Variants in SF3B3 observed in about 807,000 individuals in gnomAD.
SF3B3 encodes the protein splicing factor 3b subunit 3.
A neutral mutation model predicts 139.2 loss-of-function variants in SF3B3; 33 were observed. That is an observed-to-expected ratio of 0.24 (90% CI 0.18 to 0.32). SF3B3 has a LOEUF of 0.32. SF3B3 is among the 10% of genes least tolerant of loss of function. SF3B3 has a pLI of 1.00. For missense variants in SF3B3, 818 were observed against 1,509.4 expected (o/e 0.54, Z 7.59); for synonymous variants, 596 against 563.6 (o/e 1.06, Z -0.81).
chr16:70,563,083 T>C (rs1397388975), intron 17 of SF3B3, among the ~76,000 whole-genome samples: 1 of 152,202 alleles, frequency 6.6e-6, no homozygotes, highest in Admixed American at 6.5e-5. Context: ...TTCTCCCACC[T>C]CAGCCTCCCA....
chr16:70,572,538 G>A lies in SF3B3; in HGVS notation c.*725G>A, dbSNP rs2050539087. ...GTATACCCACCCCTCTTCCCACTGG[G>A]TATTGAGGAAGGGTGGCTGATTCTT... On this transcript the variant is annotated 3_prime_UTR_variant, in exon 26 of 26. Coordinates refer to ENST00000302516, the MANE Select transcript of SF3B3 (RefSeq NM_012426.5). 6.5e-6 allele frequency: 1 copy of A among 154,032 alleles called. No individual in the cohort carries two copies. Among genetic ancestry groups the A allele is most frequent in the African/African-American group, 2.4e-5 (1 of 41,438 alleles). 9.5% of individuals were successfully genotyped at this position (154,032 alleles called of 1,614,324 possible).
chr16:70,539,905 T>C (rs1362880569), intron 8 of SF3B3, among the ~76,000 whole-genome samples: 1 of 151,294 alleles, frequency 6.6e-6, no homozygotes, highest in Non-Finnish European at 1.5e-5. Flanking sequence ...GACTCCTGAG[T>C]TGCTGGGATT....
chr16:70,566,399 T>C (rs913575014), intron 20 of SF3B3, among the ~76,000 whole-genome samples: 14 of 151,770 alleles, frequency 9.2e-5, no homozygotes, highest in Admixed American at 6.6e-4. Flanking sequence ...CCCATCTCTA[T>C]TAAAAATAAA....
intron 20 of SF3B3, among the ~76,000 whole-genome samples, chr16:70,566,968 T>A (rs2050482862): frequency 6.6e-6 from 1 of 151,830 alleles, no homozygotes; most frequent in Admixed American, 6.6e-5. Context: ...GAGGATCACC[T>A]GAGCCCAGGA....
chr16:70,530,971 T>A (rs2050115316), intron 4 of SF3B3, 54 bp downstream of exon 4: 3 of 1,521,854 alleles, frequency 2.0e-6, no homozygotes, highest in Admixed American at 4.1e-5. Flanking sequence ...GTGTTTTTTT[T>A]TAAGATTGTT....
At chr16:70,555,569 G>A (rs1236788075) in intron 13 of SF3B3, among the ~76,000 whole-genome samples, 1 of 151,160 alleles carries the variant, frequency 6.6e-6, no homozygotes. Context: ...GGGGTAATTT[G>A]ATGTCTAATT....
intron 8 of SF3B3, among the ~76,000 whole-genome samples, chr16:70,540,362 G>A (rs547139086): frequency 5.5e-5 from 8 of 144,538 alleles, no homozygotes; most frequent in Non-Finnish European, 9.1e-5. Context: ...GTGCCCAGCC[G>A]AGCCTTCTTA....
In SF3B3 at chr16:70,543,219, C is replaced by G. The variant is rs112666942; in HGVS notation, c.1234-1219C>G. On this transcript the variant is annotated intron_variant, in intron 9 of 25. Coordinates refer to ENST00000302516, the MANE Select transcript of SF3B3 (RefSeq NM_012426.5). Reference sequence around the variant, plus strand: ...GGTTGGGAGTTTGAGACCAGCCTGACCAACATGGAGAAACCCTGTCTCTAC... The same window carrying G: ...GGTTGGGAGTTTGAGACCAGCCTGAGCAACATGGAGAAACCCTGTCTCTAC... Among the ~76,000 whole-genome samples the G allele has an allele frequency of 6.7e-3, 999 of 150,102 alleles. 13 individuals carry two copies. The highest frequency in any genetic ancestry group is 0.023 in the African/African-American group (937 of 40,742).
At chr16:70,558,897 C>G (rs2050402672) in intron 15 of SF3B3, among the ~76,000 whole-genome samples, 1 of 152,172 alleles carries the variant, frequency 6.6e-6, no homozygotes, top group South Asian at 2.1e-4. Context: ...ATGCCTGGTC[C>G]TGTCTCAGTT....
intron 15 of SF3B3, 65 bp from the exon 16 acceptor site, chr16:70,560,404 G>A (rs1210809830): frequency 6.4e-7 from 1 of 1,566,360 alleles, no homozygotes; most frequent in African/African-American, 1.4e-5. Context: ...ACCCAAGGGA[G>A]AGGTTTTCCC....
At chr16:70,531,052 G>T (rs2151775774) in intron 4 of SF3B3, 135 bp downstream of exon 4, 1 of 725,116 alleles carries the variant, frequency 1.4e-6, no homozygotes, top group Non-Finnish European at 2.3e-6. Flanking sequence ...GGATCATGAG[G>T]TCAGGAGATC....
At chr16:70,541,165 G>T (rs1427700233) in intron 8 of SF3B3, among the ~76,000 whole-genome samples, 2 of 152,206 alleles carry the variant, frequency 1.3e-5, no homozygotes, top group Admixed American at 6.5e-5. Context: ...TGAAGTGGTA[G>T]CTCATTGTGG....
intron 5 of SF3B3, 58 bp from the exon 6 acceptor site, chr16:70,535,250 A>G: frequency 1.2e-6 from 1 of 813,852 alleles, no homozygotes; most frequent in Non-Finnish European, 2.0e-6. Context: ...AGGAGTTGAA[A>G]GCTGAAGAAA....
rs199736572 is a variant in SF3B3, at chr16:70,555,059, A to C, written c.1563A>C (p.Pro521=). The change falls in exon 13 of 26, where the codon CCA becomes CCC. Residue 521 remains proline, a synonymous_variant. Transcript: ENST00000302516. ...TCTGTTACTGACTCTAGGTCTATCC[A>C]GATGGCATTCGGCACATACGAGCAG... ...LGDDALVQVY[P]DGIRHIRADK... is the part of the protein sequence containing the mutation. The C allele has an allele frequency of 2.5e-6, 4 of 1,614,014 alleles. No homozygotes were observed. In the East Asian group the frequency reaches 6.7e-5, roughly 27 times the overall value.
chr16:70,527,611 T>A (rs2050076717), intron 2 of SF3B3, among the ~76,000 whole-genome samples: 1 of 152,234 alleles, frequency 6.6e-6, no homozygotes, highest in South Asian at 2.1e-4. Flanking sequence ...ATTTAGTTAT[T>A]CTTTGCTGCA....
chr16:70,532,742 C>A (rs201812221), intron 5 of SF3B3, 122 bp downstream of exon 5: 2 of 776,886 alleles, frequency 2.6e-6, no homozygotes, highest in African/African-American at 1.9e-5. Context: ...AATACCTTAT[C>A]TTTTGGACAG....
Position 70,529,092 on chromosome 16 carries a change from A to G in SF3B3, c.290A>G (p.Asn97Ser). 6.2e-7 allele frequency: 1 copy of G among 1,614,192 alleles called. No individual in the cohort carries two copies. The highest frequency in any genetic ancestry group is 8.5e-7 in the Non-Finnish European group (1 of 1,180,028). The change falls in exon 3 of 26, where the codon AAT (asparagine) becomes AGT (serine). Residue 97 changes from asparagine (N) to serine (S), a missense_variant. Asn to Ser is a conservative substitution (Grantham distance 46, BLOSUM62 1). This residue lies in a region of SF3B3 where 144 missense variants were observed against 259.2 expected (regional missense o/e 0.56). Coordinates refer to ENST00000302516, the MANE Select transcript of SF3B3 (RefSeq NM_012426.5). Reference protein sequence around the residue: ...IVILEYQPSKNMFEKIHQETF... With the variant: ...IVILEYQPSKSMFEKIHQETF... Reference sequence around the variant, plus strand: ...ATTTTGGAATACCAGCCATCTAAGAATATGTTTGAGAAGATTCACCAAGAA... The same window carrying G: ...ATTTTGGAATACCAGCCATCTAAGAGTATGTTTGAGAAGATTCACCAAGAA...
chr16:70,534,300 AATT>A (rs770877729), intron 5 of SF3B3, among the ~76,000 whole-genome samples: 5 of 152,226 alleles, frequency 3.3e-5, no homozygotes, highest in African/African-American at 7.2e-5. Flanking sequence ...ATTATGATTT[AATT>A]ATTAAGGGAC....
In SF3B3 at chr16:70,565,781, TAAGC is replaced by T. The variant is rs2050470028; in HGVS notation, c.2826+259_2826+262del. ...ATTGGTCTCTTTCTTACTGTTTTAA[TAAGC>T]AGGCAACAATTTGTGACCAAAATTC... On this transcript the variant is annotated intron_variant, in intron 20 of 25. Transcript: ENST00000302516. 2.1e-5 allele frequency: 8 copies of T among 383,678 alleles called. No individual in the cohort carries two copies. The South Asian group carries it at 3.6e-4, about 17-fold the overall frequency. 23.8% of individuals were successfully genotyped at this position (383,678 alleles called of 1,614,324 possible).
Sources: gnomAD v4.1 joint callset for allele counts (sites outside exome capture counted in the v4.1 genomes callset) on GRCh38, gnomAD v4.1.1 for gene constraint, gnomAD v4.1.1 regional missense constraint, MANE v1.5 for transcripts, NCBI Gene and HGNC (gene_info 2026-07-23, HGNC 2026-07-21) for gene names.